Variants in OSBPL6 observed in about 807,000 individuals in gnomAD.
OSBPL6 encodes oxysterol binding protein like 6.
OSBPL6 carries 49 observed loss-of-function variants against 125.8 expected under a neutral mutation model. That is an observed-to-expected ratio of 0.39 (90% CI 0.31 to 0.49). The LOEUF is 0.49. OSBPL6 is among the 20% of genes least tolerant of loss of function. The probability of loss-of-function intolerance (pLI) is 0.88; values close to 1 mark genes in which losing one functional copy is unlikely to be tolerated. For missense variants in OSBPL6, 986 were observed against 1,135.4 expected, an observed-to-expected ratio of 0.87 and a Z score of 1.89; for synonymous variants, 394 against 391.8, an observed-to-expected ratio of 1.01 and a Z score of -0.07.
chr2:178,215,101 A>G (rs1444277268), intron 1 of OSBPL6, among the ~76,000 whole-genome samples: 1 of 151,534 alleles, frequency 6.6e-6, no homozygotes, highest in Non-Finnish European at 1.5e-5. Context: ...TATCCTTTAA[A>G]AAAAAAAAAA....
rs555330669 is a variant in OSBPL6, at chr2:178,370,416, GC to G, written c.1288-1709del. On this transcript the variant is annotated intron_variant, in intron 13 of 24. Coordinates refer to ENST00000190611, the MANE Select transcript of OSBPL6 (RefSeq NM_032523.4). ...TATGCATTTACTTGTAGGCAGAGAA[GC>G]AACAAAGAAGAAATCAGCATCTTTT... is the stretch of plus-strand genomic sequence containing the variant. Among the ~76,000 whole-genome samples, 426 of 152,310 alleles carry G rather than the reference GC, an allele frequency of 2.8e-3. 2 individuals are homozygous for G. The highest frequency in any genetic ancestry group is 4.6e-3 in the Non-Finnish European group (315 of 68,014).
intron 2 of OSBPL6, among the ~76,000 whole-genome samples, chr2:178,295,430 C>T (rs1334507907): frequency 6.6e-6 from 1 of 152,204 alleles, no homozygotes; most frequent in African/African-American, 2.4e-5. Context: ...TGTTTATTCA[C>T]TTGAATATTG....
intron 12 of OSBPL6, among the ~76,000 whole-genome samples, chr2:178,359,008 A>G (rs1376176151): frequency 6.6e-6 from 1 of 152,078 alleles, no homozygotes; most frequent in Admixed American, 6.6e-5. Flanking sequence ...CATCTCCACA[A>G]AAAATAAAAT....
intron 12 of OSBPL6, among the ~76,000 whole-genome samples, chr2:178,354,970 C>A (rs1453102709): frequency 6.6e-6 from 1 of 152,176 alleles, no homozygotes; most frequent in Non-Finnish European, 1.5e-5. Flanking sequence ...ACTGAACAAC[C>A]TGCTTCTGAA....
At chr2:178,371,747 A>C (rs1693407674) in intron 13 of OSBPL6, among the ~76,000 whole-genome samples, 1 of 152,194 alleles carries the variant, frequency 6.6e-6, no homozygotes, top group Non-Finnish European at 1.5e-5. Flanking sequence ...CTAGAACAAA[A>C]ACATGAAAGA....
chr2:178,380,829 G>A (rs1694404432), intron 15 of OSBPL6, among the ~76,000 whole-genome samples: 1 of 152,130 alleles, frequency 6.6e-6, no homozygotes, highest in South Asian at 2.1e-4. Flanking sequence ...TCCAAATAAA[G>A]TAGCTGTAGC....
chr2:178,273,709 G>A (rs1213893711), intron 1 of OSBPL6, among the ~76,000 whole-genome samples: 2 of 152,150 alleles, frequency 1.3e-5, no homozygotes, highest in African/African-American at 4.8e-5. Context: ...TACAACTGCA[G>A]TATTTATAAT....
intron 13 of OSBPL6, among the ~76,000 whole-genome samples, chr2:178,366,721 A>G (rs1692870256): frequency 6.6e-6 from 1 of 152,242 alleles, no homozygotes; most frequent in South Asian, 2.1e-4. Context: ...CACATACCCA[A>G]ATAATTATTC....
intron 1 of OSBPL6, among the ~76,000 whole-genome samples, chr2:178,197,406 A>T (rs774953956): frequency 3.3e-5 from 5 of 152,188 alleles, no homozygotes; most frequent in Admixed American, 6.5e-5. Context: ...TTTGTTATTG[A>T]TAATGACCTA....
intron 15 of OSBPL6, among the ~76,000 whole-genome samples, chr2:178,378,714 G>A (rs1694124232): frequency 6.6e-6 from 1 of 152,178 alleles, no homozygotes; most frequent in African/African-American, 2.4e-5. Context: ...CTTTGTGCAG[G>A]GTAGCGTGAA....
chr2:178,349,575 C>T (rs568242923), intron 12 of OSBPL6, among the ~76,000 whole-genome samples, 186 bp downstream of exon 12: 17 of 152,216 alleles, frequency 1.1e-4, no homozygotes, highest in African/African-American at 4.1e-4. Context: ...TCACACATCA[C>T]AGGTTTACAG....
rs139291109 is a variant in OSBPL6 at position 178,234,384 on chromosome 2, C to T, written c.-351+39710C>T. Among the ~76,000 whole-genome samples the T allele has an allele frequency of 4.7e-3, 714 of 152,066 alleles. 7 individuals are homozygous for T. Among genetic ancestry groups the T allele is most frequent in the Non-Finnish European group, 7.5e-3 (510 of 67,976 alleles). On this transcript the variant is annotated intron_variant, in intron 1 of 24. Transcript: ENST00000190611. ...TATTTCAGGCCGCAGTATAACCTAC[C>T]GGCTTGTTACCAGTGAGAGAGAGAG...
At chr2:178,199,125 C>A (rs1349495889) in intron 1 of OSBPL6, among the ~76,000 whole-genome samples, 1 of 152,186 alleles carries the variant, frequency 6.6e-6, no homozygotes, top group South Asian at 2.1e-4. Flanking sequence ...TGCATAAATA[C>A]TATCTGGCAG....
intron 2 of OSBPL6, among the ~76,000 whole-genome samples, chr2:178,305,487 A>G (rs1034932584): frequency 6.6e-6 from 1 of 152,218 alleles, no homozygotes; most frequent in Non-Finnish European, 1.5e-5. Flanking sequence ...TGAGAGTCAC[A>G]TGTAGGCATG....
At chr2:178,316,549 T>C (rs1032492069) in intron 3 of OSBPL6, among the ~76,000 whole-genome samples, 9 of 152,184 alleles carry the variant, frequency 5.9e-5, no homozygotes, top group Non-Finnish European at 1.2e-4. Flanking sequence ...AGTTTCCAGA[T>C]CCGTGGATTG....
At chr2:178,205,453 A>G (rs1291000231) in intron 1 of OSBPL6, among the ~76,000 whole-genome samples, 4 of 152,210 alleles carry the variant, frequency 2.6e-5, no homozygotes, top group Non-Finnish European at 5.9e-5. Context: ...ACCTGATCTA[A>G]TAAGTTCTGG....
chr2:178,392,668 C>A, intron 23 of OSBPL6, 130 bp downstream of exon 23: 1 of 1,187,060 alleles, frequency 8.4e-7, no homozygotes, highest in Non-Finnish European at 1.1e-6. Flanking sequence ...CCAGCCTGGA[C>A]AATATAGTGA....
intron 13 of OSBPL6, among the ~76,000 whole-genome samples, chr2:178,367,308 A>T (rs938809551): frequency 6.6e-6 from 1 of 152,210 alleles, no homozygotes; most frequent in Non-Finnish European, 1.5e-5. Flanking sequence ...TTTGTAATTG[A>T]AAAAGCAAGT....
chr2:178,247,468 T>C (rs2091535869), intron 1 of OSBPL6, among the ~76,000 whole-genome samples: 1 of 152,322 alleles, frequency 6.6e-6, no homozygotes, highest in Middle Eastern at 3.4e-3. Context: ...AGGCATGTCA[T>C]GGGCACTCTT....
Sources: allele counts gnomAD v4.1 joint callset (sites outside exome capture counted in the v4.1 genomes callset), GRCh38; gene constraint gnomAD v4.1.1; transcripts MANE v1.5; gene names NCBI Gene and HGNC (gene_info 2026-07-23, HGNC 2026-07-21).